Variants in SLC26A1 observed in about 807,000 individuals in gnomAD.
SLC26A1 encodes sulfate anion transporter 1.
A neutral mutation model predicts 14.5 loss-of-function variants in SLC26A1; 18 were observed. That is an observed-to-expected ratio of 1.24 (90% CI 0.86 to 1.84). The LOEUF is 1.84. Ranked by LOEUF, SLC26A1 falls within the 40% of genes most tolerant of loss-of-function variation. SLC26A1 has a pLI of 0.00. For missense variants in SLC26A1, 1,049 were observed against 1,020.0 expected, an observed-to-expected ratio of 1.03 and a Z score of -0.39; for synonymous variants, 505 against 492.0, an observed-to-expected ratio of 1.03 and a Z score of -0.35.
downstream of SLC26A1, among the ~76,000 whole-genome samples, chr4:982,901 G>C (rs1211383407): frequency 2.7e-4 from 41 of 152,206 alleles, no homozygotes; most frequent in Non-Finnish European, 1.5e-5. Context: ...CGTCTCCCCT[G>C]TATAGGAACA....
At position 989,450 on chromosome 4, in the gene SLC26A1, A is replaced by G; in HGVS notation, c.1489T>C (p.Ser497Pro). The change falls in exon 3 of 3, where the codon TCG becomes CCG. Residue 497 changes from serine to proline, a missense_variant. By Grantham distance (74) the Ser-to-Pro change is moderately conservative. Coordinates refer to ENST00000398516, the MANE Select transcript of SLC26A1 (RefSeq NM_022042.4). ...GTGCGGCCGGCCAGGCTGAGCAGCG[A>G]GAGGATGACGCCAGCCAGCAGCCCG... ...EAGLLAGVIL[S>P]LLSLAGRTQR... is the part of the protein sequence containing the mutation. 5 of 1,553,994 alleles carry G rather than the reference A, an allele frequency of 3.2e-6. No homozygotes were observed. Among genetic ancestry groups the G allele is most frequent in the Non-Finnish European group, 4.4e-6 (5 of 1,149,242 alleles).
At chr4:981,195 C>G (rs986331059) in intron 2 of SLC26A1, among the ~76,000 whole-genome samples, 1 of 152,252 alleles carries the variant, frequency 6.6e-6, no homozygotes, top group Admixed American at 6.5e-5. Context: ...ACTGACCAGG[C>G]CTTCTTCAGA....
Position 991,328 on chromosome 4 carries a change from A to G in SLC26A1, c.376T>C (p.Phe126Leu), listed in dbSNP as rs1360828566. The change falls in exon 2 of 3, where the codon TTC becomes CTC. Residue 126 changes from phenylalanine (F) to leucine (L), a missense_variant. Transcript: ENST00000398516. The part of the protein sequence containing the change: ...GTSRHVSVGI[F>L]SLLCLMVGQV... ...CCCACCATGAGGCAAAGCAGGCTGA[A>G]GATGCCCACGGAGACATGCCGTGAG... is the stretch of plus-strand genomic sequence containing the variant. 6.2e-7 allele frequency: 1 copy of G among 1,612,860 alleles called. No individual in the cohort carries two copies. Among genetic ancestry groups the G allele is most frequent in the South Asian group, 1.1e-5 (1 of 91,086 alleles).
Position 991,744 on chromosome 4 carries a change from G to C in SLC26A1, c.-27-14C>G, listed in dbSNP as rs1268205760. On this transcript the variant is annotated splice_polypyrimidine_tract_variant and intron_variant, in intron 1 of 2. Coordinates refer to ENST00000398516, the MANE Select transcript of SLC26A1 (RefSeq NM_022042.4). ...CCCGTGGCCGACCTGCGGCCGAGAA[G>C]AGGGCATGGTCACAGGAGCCCCCGG... 6.5e-7 allele frequency: 1 copy of C among 1,528,286 alleles called. No homozygotes were observed. The highest frequency in any genetic ancestry group is 2.0e-5 in the Admixed American group (1 of 50,688). 94.7% of individuals were successfully genotyped at this position (1,528,286 alleles called of 1,614,324 possible).
chr4:987,140 C>A (rs1260725493), downstream of SLC26A1: 1 of 1,422,228 alleles, frequency 7.0e-7, no homozygotes, highest in Non-Finnish European at 9.1e-7. Context: ...TCGCTCCTGG[C>A]CGCGCCCCCG....
intron 2 of SLC26A1, among the ~76,000 whole-genome samples, chr4:981,689 C>T (rs936748332): frequency 6.6e-6 from 1 of 152,204 alleles, no homozygotes; most frequent in Non-Finnish European, 1.5e-5. Context: ...CTCTCAGAGA[C>T]TCCACTGTAG....
chr4:987,574 C>G, downstream of SLC26A1: 1 of 1,371,496 alleles, frequency 7.3e-7, no homozygotes, highest in South Asian at 1.5e-5. Context: ...ACCCGCCTTC[C>G]TGGCAGGGCC....
Position 989,661 on chromosome 4 carries a change from C to T in SLC26A1, c.1278G>A (p.Val426=), listed in dbSNP as rs776775525. 3 of 1,578,592 alleles carry T rather than the reference C, an allele frequency of 1.9e-6. No individual in the cohort carries two copies. The highest frequency in any genetic ancestry group is 2.7e-5 in the African/African-American group (2 of 74,564). The stretch of plus-strand genomic sequence containing the variant: ...GGAACAGCGGTGCCAGCGCCAGCAG[C>T]ACCAGCAGCACCACGGTGGCGCTGA... ...SVVSATVVLL[V]LLALAPLFHD... is the part of the protein sequence containing the mutation. The change falls in exon 3 of 3, where the codon GTG becomes GTA. Residue 426 remains valine (V), a synonymous_variant. Transcript: ENST00000398516.
rs375420504 is a variant in SLC26A1 at position 991,902 on chromosome 4, T to C, written c.-27-172A>G. ...GCCCCAGCCCCCTGCCCGGTATGGA[T>C]GGACGCTGGGCCCTGCTGGATCCAG... On this transcript the variant is annotated intron_variant, in intron 1 of 2. Transcript: ENST00000398516. The C allele has an allele frequency of 5.0e-4, 585 of 1,169,494 alleles. 4 individuals are homozygous for C. The South Asian group carries it at 6.9e-3, about 14-fold the overall frequency. 72.4% of individuals were successfully genotyped at this position (1,169,494 alleles called of 1,614,324 possible).
chr4:979,443 G>T lies in SLC26A1; in HGVS notation c.638C>A (p.Ser213Ter), dbSNP rs747399033. ...TTCCTCCTCTTCCAGAAGTTCCTGC[G>T]AGTCACTCCTCTGTGTTAATTGCCA... is the stretch of plus-strand genomic sequence containing the variant. Residue 213 changes from serine (S) to a stop codon, truncating the protein, a stop_gained, in exon 3 of 3, where the codon TCG becomes TAG. Transcript: ENST00000398520. LOFTEE classifies it high-confidence loss of function. 1 of 1,608,132 alleles carries T rather than the reference G, an allele frequency of 6.2e-7. No individual in the cohort carries two copies. Among genetic ancestry groups the T allele is most frequent in the Non-Finnish European group, 8.5e-7 (1 of 1,175,046 alleles).
At chr4:990,896 G>C in intron 2 of SLC26A1, 1 of 526,774 alleles carries the variant, frequency 1.9e-6, no homozygotes, top group South Asian at 3.0e-5. Flanking sequence ...CAAGGCCATG[G>C]CCCACCGGAC....
At chr4:990,448 T>C (rs902930279) in intron 2 of SLC26A1, 86 bp from the exon 3 acceptor site, 1 of 1,308,670 alleles carries the variant, frequency 7.6e-7, no homozygotes, top group Non-Finnish European at 1.0e-6. Context: ...CGAGGGGTGG[T>C]GGTCACGGCA....
At chr4:985,443 A>G (rs568981131), downstream of SLC26A1, among the ~76,000 whole-genome samples, 5 of 152,300 alleles carry the variant, frequency 3.3e-5, no homozygotes, top group Admixed American at 2.0e-4. Flanking sequence ...GGTCTGAAAC[A>G]ATTCAGTTTC....
At chr4:986,101 C>A (rs2153014819), downstream of SLC26A1, among the ~76,000 whole-genome samples, 1 of 151,884 alleles carries the variant, frequency 6.6e-6, no homozygotes, top group South Asian at 2.1e-4. Context: ...TTTTTTTGTA[C>A]AGATGGGGTC....
At chr4:983,080 CA>C (rs1177809144), downstream of SLC26A1, among the ~76,000 whole-genome samples, 4 of 152,292 alleles carry the variant, frequency 2.6e-5, no homozygotes, top group African/African-American at 9.6e-5. Flanking sequence ...TCACTTTTCC[CA>C]TACAGCACCT....
Position 987,745 on chromosome 4 carries a change from T to C in SLC26A1, c.*1088A>G. The C allele has an allele frequency of 6.2e-7, 1 of 1,605,430 alleles. No individual in the cohort carries two copies. ...CCGGGCAGTCCTGGGCTTGAACGTG[T>C]GTGTCAGCCGCGCTGCCAGCCATGC... is the stretch of plus-strand genomic sequence containing the variant. On this transcript the variant is annotated 3_prime_UTR_variant, in exon 3 of 3. Transcript: ENST00000398516.
chr4:979,563 C>A (rs1577500972), intron 2 of SLC26A1: 1 of 1,600,118 alleles, frequency 6.2e-7, no homozygotes, highest in South Asian at 1.1e-5. Context: ...GACGTCTCCA[C>A]AGCCAAACGT....
At position 988,357 on chromosome 4, in the gene SLC26A1, G is replaced by A; in HGVS notation, c.*476C>T. On this transcript the variant is annotated 3_prime_UTR_variant, in exon 3 of 3. Transcript: ENST00000398516. ...TGTGAGGGGGAGGCACGAGGTGTGA[G>A]GGGCACTTGGGTGTGTGGGGCCTTC... 3 of 1,076,252 alleles carry A rather than the reference G, an allele frequency of 2.8e-6. No individual in the cohort carries two copies. Among genetic ancestry groups the A allele is most frequent in the Non-Finnish European group, 3.4e-6 (3 of 886,906 alleles). 66.7% of individuals were successfully genotyped at this position (1,076,252 alleles called of 1,614,324 possible).
downstream of SLC26A1, chr4:987,324 C>T: frequency 7.6e-7 from 1 of 1,315,222 alleles, no homozygotes; most frequent in Non-Finnish European, 1.0e-6. Flanking sequence ...GTGAGAGCTT[C>T]AGAGACCGGA....
Sources: gnomAD v4.1 joint callset for allele counts (sites outside exome capture counted in the v4.1 genomes callset) on GRCh38, gnomAD v4.1.1 for gene constraint, MANE v1.5 for transcripts, NCBI Gene and HGNC (gene_info 2026-07-23, HGNC 2026-07-21) for gene names.